The following SNRNP70 variants were observed in gnomAD, a reference collection of about 807,000 sequenced individuals.
SNRNP70 encodes U1 small nuclear ribonucleoprotein 70 kDa.
In SNRNP70, 8 loss-of-function variants were observed where a neutral mutation model predicts 50.5. The ratio of observed to expected loss-of-function variants is 0.16; its 90% CI spans 0.09 to 0.29. The LOEUF (loss-of-function observed/expected upper bound fraction) is 0.29. Ranked by LOEUF, SNRNP70 falls within the 10% of genes least tolerant of loss-of-function variation. The pLI is 1.00. For missense variants in SNRNP70, 529 were observed against 663.5 expected, an observed-to-expected ratio of 0.80 and a Z score of 2.23; for synonymous variants, 320 against 252.9, an observed-to-expected ratio of 1.27 and a Z score of -2.52.
At chr19:49,087,860 C>CG (rs1568416869) in intron 2 of SNRNP70, 1 of 152,200 alleles carries the variant, frequency 6.6e-6, no homozygotes, top group African/African-American at 2.4e-5. Flanking sequence ...TGGGCACAGG[C>CG]GGGTGGTAGG....
intron 7 of SNRNP70, chr19:49,103,255 G>C (rs2040614288): frequency 6.6e-6 from 1 of 152,458 alleles, no homozygotes. Flanking sequence ...CCAGCGCCCA[G>C]CTTGGATGAT....
At position 49,104,551 on chromosome 19, in the gene SNRNP70, G is replaced by C; in HGVS notation, c.476-83G>C. On this transcript the variant is annotated intron_variant, in intron 7 of 9. Transcript: ENST00000598441. This position sits in a 1 kb window ranked among gnomAD's most constrained non-coding sequence, Gnocchi z 5.4. ...TGCGTGATGATGGGGACACGGGGCGGGGATTCTGTAGAGCTGGGCCTGTCC... is the reference window on the plus strand; with the variant it reads ...TGCGTGATGATGGGGACACGGGGCGCGGATTCTGTAGAGCTGGGCCTGTCC... The C allele has an allele frequency of 9.6e-7, 1 of 1,038,568 alleles. No homozygotes were observed. The highest frequency in any genetic ancestry group is 1.5e-6 in the Non-Finnish European group (1 of 684,870). The allele number at this position is 1,038,568 out of a possible 1,614,324, so 64.3% of individuals were successfully genotyped here. A position where few individuals can be genotyped will look rare whatever the true frequency, so the allele number is the denominator to read the frequency against.
intron 7 of SNRNP70, chr19:49,102,167 G>GTGTA (rs2040596451): frequency 7.8e-7 from 1 of 1,289,524 alleles, no homozygotes; most frequent in Non-Finnish European, 1.0e-6. Context: ...CAACACCTCA[G>GTGTA]TGTATGGTTG....
intron 7 of SNRNP70, chr19:49,103,163 C>G (rs1288352561): frequency 6.6e-6 from 1 of 152,574 alleles, no homozygotes; most frequent in Non-Finnish European, 1.5e-5. Flanking sequence ...TTCAGTGTGA[C>G]TCGGGGATTG....
In SNRNP70 at chr19:49,107,737, G is replaced by C. The variant is rs1260010715; in HGVS notation, c.665+25G>C. ...GGTAAGATTGGGCGACCGGTGTCCTGGGGTGGGGGGCGGTCACGGGGGGAG... is the reference window on the plus strand; with the variant it reads ...GGTAAGATTGGGCGACCGGTGTCCTCGGGTGGGGGGCGGTCACGGGGGGAG... On this transcript the variant is annotated intron_variant, in intron 9 of 9. Coordinates refer to ENST00000598441, the MANE Select transcript of SNRNP70 (RefSeq NM_003089.6). This position sits in a 1 kb window ranked among gnomAD's most constrained non-coding sequence, Gnocchi z 6.0. 6.2e-7 allele frequency: 1 copy of C among 1,613,610 alleles called. No homozygotes were observed.
intron 6 of SNRNP70, among the ~76,000 whole-genome samples, chr19:49,100,966 G>T (rs1243599093): frequency 6.6e-6 from 1 of 152,022 alleles, no homozygotes. Flanking sequence ...CACACTTCTC[G>T]GCCTGGCATT....
chr19:49,102,338 CTCCTGCCCCGA>C (rs2040599012), intron 7 of SNRNP70: 1 of 382,716 alleles, frequency 2.6e-6, no homozygotes, highest in South Asian at 1.9e-5. Flanking sequence ...CCCTTTGTCC[CTCCTGCCCCGA>C]TCCGTATGCT....
chr19:49,090,785 C>A, intron 4 of SNRNP70: 1 of 541,848 alleles, frequency 1.8e-6, no homozygotes, highest in Non-Finnish European at 3.3e-6. Context: ...AAGGGGCTCC[C>A]ACAACCCAGC....
chr19:49,091,970 C>A (rs1421567313), intron 4 of SNRNP70, among the ~76,000 whole-genome samples: 2 of 152,194 alleles, frequency 1.3e-5, no homozygotes, highest in Non-Finnish European at 2.9e-5. Context: ...CAGCCTCTCA[C>A]CAAGACCTAT....
chr19:49,085,530 T>C lies in SNRNP70; in HGVS notation c.-117T>C, dbSNP rs767112141. On this transcript the variant is annotated 5_prime_UTR_variant, in exon 1 of 10. Coordinates refer to ENST00000598441, the MANE Select transcript of SNRNP70 (RefSeq NM_003089.6). ...AGCGGGCGACGGAATCAGACGGACG[T>C]GGACGCCCCCGGAGTGGAAGCCGAA... The C allele has an allele frequency of 2.2e-6, 1 of 455,846 alleles. No homozygotes were observed. Among genetic ancestry groups the C allele is most frequent in the Non-Finnish European group, 4.4e-6 (1 of 226,700 alleles). The allele number at this position is 455,846 out of a possible 1,614,324, so 28.2% of individuals were successfully genotyped here.
chr19:49,095,975 CAAAA>C (rs11356728), intron 4 of SNRNP70, among the ~76,000 whole-genome samples: 38 of 91,914 alleles, frequency 4.1e-4, no homozygotes, highest in African/African-American at 1.2e-3. Context: ...TTAGCTGGTG[CAAAA>C]AAAAAAAAAA....
At chr19:49,086,760 C>T (rs985350306) in intron 2 of SNRNP70, among the ~76,000 whole-genome samples, 199 bp downstream of exon 2, 2 of 152,058 alleles carry the variant, frequency 1.3e-5, no homozygotes, top group Non-Finnish European at 2.9e-5. Flanking sequence ...GTCTCAGCTA[C>T]TCAGGAGGCT....
chr19:49,086,231 C>T (rs984993070), intron 1 of SNRNP70, among the ~76,000 whole-genome samples, 174 bp from the exon 2 acceptor site: 7 of 152,174 alleles, frequency 4.6e-5, no homozygotes, highest in African/African-American at 1.4e-4. Context: ...CACCTCCACC[C>T]CCACCAAGAC....
rs2040366240 is a variant in SNRNP70, at chr19:49,085,583, C to T, written c.-64C>T. The T allele has an allele frequency of 4.4e-6, 2 of 456,064 alleles. No individual in the cohort carries two copies. Among genetic ancestry groups the T allele is most frequent in the South Asian group, 3.1e-5 (2 of 64,558 alleles). 28.3% of individuals were successfully genotyped at this position (456,064 alleles called of 1,614,324 possible). ...AGGAGTTGTTGTTGCTGAGGGGCTGCCGCAGCCGCCGCGAGCCTCCGGACA... is the reference window on the plus strand; with the variant it reads ...AGGAGTTGTTGTTGCTGAGGGGCTGTCGCAGCCGCCGCGAGCCTCCGGACA... On this transcript the variant is annotated 5_prime_UTR_variant, in exon 1 of 10. Transcript: ENST00000598441.
At chr19:49,085,846 T>A (rs1302801291) in intron 1 of SNRNP70, among the ~76,000 whole-genome samples, 1 of 152,168 alleles carries the variant, frequency 6.6e-6, no homozygotes, top group Non-Finnish European at 1.5e-5. Flanking sequence ...CACAGGCCCT[T>A]GCGGTGTGTG....
At chr19:49,094,599 T>G (rs964240958) in intron 4 of SNRNP70, among the ~76,000 whole-genome samples, 5 of 152,152 alleles carry the variant, frequency 3.3e-5, no homozygotes, top group Non-Finnish European at 7.3e-5. Flanking sequence ...CTGCTCTGCC[T>G]CCATTAAATG....
chr19:49,095,998 A>G (rs961417051), intron 4 of SNRNP70, among the ~76,000 whole-genome samples: 11 of 147,738 alleles, frequency 7.4e-5, no homozygotes, highest in Non-Finnish European at 1.3e-4. Flanking sequence ...AAAAAAAGCC[A>G]GTGCAGATTG....
chr19:49,107,992 G>A lies in SNRNP70; in HGVS notation c.863G>A (p.Arg288Gln), dbSNP rs1470349014. Residue 288 changes from arginine (R) to glutamine (Q), a missense_variant, in exon 10 of 10, where the codon CGG becomes CAG. Arg to Gln is a conservative substitution (Grantham distance 43). Transcript: ENST00000598441. The surrounding 1 kb of genome is among the most constrained non-coding windows in gnomAD (Gnocchi z 6.0). ...CGGAGCAAGGACAAGGACCGGGACC[G>A]GAAGCGGCGAAGCAGCCGGAGTCGG... ...RERSKDKDRD[R>Q]KRRSSRSRER... is the part of the protein sequence containing the mutation. 7.1e-6 allele frequency: 11 copies of A among 1,547,820 alleles called. No homozygotes were observed. The highest frequency in any genetic ancestry group is 8.7e-6 in the Non-Finnish European group (10 of 1,146,150).
rs755675725 is a variant in SNRNP70, at chr19:49,104,405, G to A, written c.476-229G>A. 5.3e-5 allele frequency: 28 copies of A among 523,798 alleles called. No individual in the cohort carries two copies. The highest frequency in any genetic ancestry group is 2.0e-4 in the East Asian group (6 of 29,284). 32.4% of individuals were successfully genotyped at this position (523,798 alleles called of 1,614,324 possible). On this transcript the variant is annotated intron_variant, in intron 7 of 9. Transcript: ENST00000598441. The surrounding 1 kb of genome is among the most constrained non-coding windows in gnomAD (Gnocchi z 5.4). ...GCGGGTGAGGGTGGACGTCTCCCCC[G>A]ACCAGGAGTGGTTGGGGCGCTGAGA...
Sources: gnomAD v4.1 joint callset for allele counts (sites outside exome capture counted in the v4.1 genomes callset) on GRCh38, gnomAD v4.1.1 for gene constraint, Gnocchi (gnomAD v3.1) non-coding constraint, MANE v1.5 for transcripts, NCBI Gene and HGNC (gene_info 2026-07-23, HGNC 2026-07-21) for gene names.